The following PRDM7 variants were observed in gnomAD, a reference collection of about 807,000 sequenced individuals.
The protein encoded by PRDM7 is PR/SET domain 7, also known as histone-lysine N-methyltransferase PRDM7.
A neutral mutation model predicts 64.3 loss-of-function variants in PRDM7; 52 were observed. The ratio of observed to expected loss-of-function variants is 0.81; its 90% CI spans 0.65 to 1.02. The LOEUF is 1.02. Among genes scored for constraint, PRDM7 ranks in the 50% least tolerant of loss-of-function variants. The probability of loss-of-function intolerance (pLI) is 0.00; values close to 1 mark genes in which losing one functional copy is unlikely to be tolerated. For synonymous variants in PRDM7, 192 were observed against 210.1 expected, an observed-to-expected ratio of 0.91 and a Z score of 0.74; for missense variants, 574 against 597.1, an observed-to-expected ratio of 0.96 and a Z score of 0.40.
chr16:90,070,755 T>C (rs975590830), intron 4 of PRDM7, among the ~76,000 whole-genome samples: 4 of 152,190 alleles, frequency 2.6e-5, no homozygotes, highest in African/African-American at 9.7e-5. Flanking sequence ...CACTCTGATT[T>C]TTTACTACCA....
chr16:90,064,810 C>A lies in PRDM7; in HGVS notation c.352-1042G>T, dbSNP rs921055842. 2.7e-5 allele frequency among the ~76,000 whole-genome samples: 4 copies of A among 150,774 alleles called. 1 individual carries two copies. Among genetic ancestry groups the A allele is most frequent in the Non-Finnish European group, 5.9e-5 (4 of 67,908 alleles). On this transcript the variant is annotated intron_variant, in intron 5 of 10. Transcript: ENST00000449207. ...CTCAGCTAACTGCAGCCTCCATCTCCCAGGTTCAAGCGATTCTCCTGCTTC... is the reference window on the plus strand; with the variant it reads ...CTCAGCTAACTGCAGCCTCCATCTCACAGGTTCAAGCGATTCTCCTGCTTC...
intron 4 of PRDM7, among the ~76,000 whole-genome samples, chr16:90,073,403 T>G (rs1324461127): frequency 7.2e-6 from 1 of 139,336 alleles, no homozygotes; most frequent in African/African-American, 2.6e-5. Context: ...AGAATGACAA[T>G]TTTTTTTTTT....
intron 6 of PRDM7, 36 bp from the exon 7 acceptor site, chr16:90,062,538 G>A (rs1412970201): frequency 6.5e-7 from 1 of 1,530,706 alleles, no homozygotes. Flanking sequence ...AAAATTGGGA[G>A]TCTGGGGTGT....
rs2037710187 is a variant in PRDM7 at position 90,058,057 on chromosome 16, G to A, written c.*232C>T. 2 of 1,612,664 alleles carry A rather than the reference G, an allele frequency of 1.2e-6. No individual in the cohort carries two copies. Among genetic ancestry groups the A allele is most frequent in the African/African-American group, 1.3e-5 (1 of 75,006 alleles). On this transcript the variant is annotated 3_prime_UTR_variant, in exon 11 of 11. Transcript: ENST00000449207. ...CCCCCCTGTGTGTGTCCTTTGGTGTGTAATAACATCTGACTTATCACTGAA... is the reference window on the plus strand; with the variant it reads ...CCCCCCTGTGTGTGTCCTTTGGTGTATAATAACATCTGACTTATCACTGAA...
At chr16:90,059,088 G>C (rs2037726748) in intron 10 of PRDM7, among the ~76,000 whole-genome samples, 1 of 152,230 alleles carries the variant, frequency 6.6e-6, no homozygotes, top group African/African-American at 2.4e-5. Flanking sequence ...TAGCAAATCT[G>C]AATTTGAGTA....
chr16:90,060,210 T>G, intron 10 of PRDM7, 131 bp downstream of exon 10: 1 of 1,338,690 alleles, frequency 7.5e-7, no homozygotes, highest in Non-Finnish European at 1.0e-6. Flanking sequence ...ATCTTTAATT[T>G]TGGAAGCCAC....
At chr16:90,072,853 A>G (rs1249800236) in intron 4 of PRDM7, among the ~76,000 whole-genome samples, 1 of 152,242 alleles carries the variant, frequency 6.6e-6, no homozygotes, top group Non-Finnish European at 1.5e-5. Flanking sequence ...TTTCATGTCA[A>G]AACATTTGCA....
chr16:90,064,974 C>G (rs1483245919), intron 5 of PRDM7, among the ~76,000 whole-genome samples: 1 of 151,084 alleles, frequency 6.6e-6, no homozygotes, highest in Non-Finnish European at 1.5e-5. Flanking sequence ...CCACCTCTGC[C>G]TCTCAAAGTG....
intron 4 of PRDM7, among the ~76,000 whole-genome samples, chr16:90,067,518 GA>G (rs2037894204): frequency 6.7e-6 from 1 of 149,712 alleles, no homozygotes; most frequent in Non-Finnish European, 1.5e-5. Context: ...GACCTTTCAT[GA>G]CAAACACACT....
At chr16:90,060,795 C>A (rs2037763203) in intron 9 of PRDM7, among the ~76,000 whole-genome samples, 172 bp from the exon 10 acceptor site, 1 of 152,196 alleles carries the variant, frequency 6.6e-6, no homozygotes, top group Non-Finnish European at 1.5e-5. Flanking sequence ...ACACATTGAC[C>A]TCTAGCTTCT....
Sources: allele counts gnomAD v4.1 joint callset (sites outside exome capture counted in the v4.1 genomes callset), GRCh38; gene constraint gnomAD v4.1.1; transcripts MANE v1.5; gene names NCBI Gene and HGNC (gene_info 2026-07-23, HGNC 2026-07-21).